GPC5: variants seen among roughly 807,000 people sequenced by gnomAD.
The protein encoded by GPC5 is glypican 5, also known as glypican-5.
GPC5 carries 47 observed loss-of-function variants against 53.9 expected under a neutral mutation model. The ratio of observed to expected loss-of-function variants is 0.87; its 90% CI spans 0.69 to 1.11. The LOEUF (loss-of-function observed/expected upper bound fraction) is 1.11, where lower values mean the gene tolerates loss of function less well. Among genes scored for constraint, GPC5 ranks in the 50% most tolerant of loss-of-function variants. GPC5 has a pLI of 0.00. For missense variants in GPC5, 748 were observed against 713.1 expected (o/e 1.05, Z -0.56); for synonymous variants, 286 against 263.3 (o/e 1.09, Z -0.84).
intron 7 of GPC5, among the ~76,000 whole-genome samples, chr13:92,656,083 A>G (rs1886127276): frequency 6.6e-6 from 1 of 152,170 alleles, no homozygotes; most frequent in African/African-American, 2.4e-5. Flanking sequence ...AAAGAGTTAT[A>G]TCATGTTCAG....
intron 7 of GPC5, among the ~76,000 whole-genome samples, chr13:92,556,623 C>G (rs1882502233): frequency 1.3e-5 from 2 of 151,656 alleles, no homozygotes; most frequent in South Asian, 4.2e-4. Context: ...TCTTTCTTAA[C>G]AAGCAAAAGA....
chr13:92,420,423 G>C (rs1179635890), intron 7 of GPC5, among the ~76,000 whole-genome samples: 1 of 151,690 alleles, frequency 6.6e-6, no homozygotes, highest in Non-Finnish European at 1.5e-5. Context: ...ACCATGTTTT[G>C]ATACAGGCAT....
At chr13:91,793,484 C>A (rs1343543984) in intron 5 of GPC5, among the ~76,000 whole-genome samples, 1 of 152,114 alleles carries the variant, frequency 6.6e-6, no homozygotes, top group African/African-American at 2.4e-5. Flanking sequence ...TTTTGTCAGT[C>A]TTTCACATTA....
In GPC5 at chr13:92,569,902, C is replaced by A. The variant is rs117512223; in HGVS notation, c.1562-296380C>A. On this transcript the variant is annotated intron_variant, in intron 7 of 7. Coordinates refer to ENST00000377067, the MANE Select transcript of GPC5 (RefSeq NM_004466.6). ...AAAATATAAACAGTTACACTGTGTT[C>A]TTTCTTTCCTATAATCTCTTTATGG... is the stretch of plus-strand genomic sequence containing the variant. 5.3e-5 allele frequency among the ~76,000 whole-genome samples: 8 copies of A among 152,282 alleles called. No individual in the cohort carries two copies. In the South Asian group the frequency reaches 1.4e-3, roughly 28 times the overall value.
intron 5 of GPC5, among the ~76,000 whole-genome samples, chr13:91,859,807 TC>T (rs879880905): frequency 4.6e-5 from 7 of 152,170 alleles, no homozygotes; most frequent in Non-Finnish European, 8.8e-5. Flanking sequence ...TCTTATTTTT[TC>T]ATTGACTTTT....
intron 3 of GPC5, among the ~76,000 whole-genome samples, chr13:91,709,613 G>A (rs979463025): frequency 1.3e-5 from 2 of 152,176 alleles, no homozygotes; most frequent in Non-Finnish European, 1.5e-5. Flanking sequence ...AAATGGTTGG[G>A]TAACTTTGTA....
At chr13:91,763,898 A>G (rs1366848059) in intron 5 of GPC5, among the ~76,000 whole-genome samples, 1 of 152,172 alleles carries the variant, frequency 6.6e-6, no homozygotes, top group Non-Finnish European at 1.5e-5. Flanking sequence ...ATGGGGTAGT[A>G]TTTGCGTATA....
At chr13:91,858,708 T>C (rs1395069595) in intron 5 of GPC5, among the ~76,000 whole-genome samples, 2 of 152,008 alleles carry the variant, frequency 1.3e-5, no homozygotes, top group Admixed American at 6.6e-5. Flanking sequence ...CCTCTATTTT[T>C]CACAGTAGTT....
chr13:91,424,792 T>A (rs943868852), intron 1 of GPC5, among the ~76,000 whole-genome samples: 1 of 151,384 alleles, frequency 6.6e-6, no homozygotes, highest in African/African-American at 2.4e-5. Flanking sequence ...CTGGTATGGG[T>A]TGGGAGAAGA....
At chr13:91,993,070 C>G (rs1207655213) in intron 6 of GPC5, among the ~76,000 whole-genome samples, 1 of 152,190 alleles carries the variant, frequency 6.6e-6, no homozygotes. Context: ...TGTAAAATAA[C>G]TGGCGTTGAT....
chr13:92,526,588 AT>A (rs1333266160), intron 7 of GPC5, among the ~76,000 whole-genome samples: 1 of 152,012 alleles, frequency 6.6e-6, no homozygotes, highest in African/African-American at 2.4e-5. Flanking sequence ...ACATAGAAGG[AT>A]TTTAAAGAAG....
intron 7 of GPC5, among the ~76,000 whole-genome samples, chr13:92,764,882 A>T (rs1002316336): frequency 1.3e-5 from 2 of 152,080 alleles, no homozygotes; most frequent in African/African-American, 4.8e-5. Context: ...AGTTTATGTC[A>T]TTACAATGGA....
At chr13:91,447,963 C>T (rs1174262833) in intron 1 of GPC5, among the ~76,000 whole-genome samples, 1 of 152,110 alleles carries the variant, frequency 6.6e-6, no homozygotes, top group East Asian at 1.9e-4. Flanking sequence ...TCTTTCCTCT[C>T]TGTCCTCTAG....
chr13:91,625,692 A>T (rs960814417), intron 2 of GPC5, among the ~76,000 whole-genome samples: 8 of 152,260 alleles, frequency 5.3e-5, no homozygotes, highest in South Asian at 2.1e-4. Context: ...CTTCTAAAGT[A>T]TCTAACACTT....
intron 7 of GPC5, among the ~76,000 whole-genome samples, chr13:92,542,908 A>C (rs1353810191): frequency 5.3e-5 from 8 of 151,920 alleles, no homozygotes; most frequent in Admixed American, 5.3e-4. Context: ...TGCTGTTTTT[A>C]GAATTCTCTT....
chr13:92,085,788 C>T (rs1225974476), intron 6 of GPC5, among the ~76,000 whole-genome samples: 1 of 152,112 alleles, frequency 6.6e-6, no homozygotes, highest in African/African-American at 2.4e-5. Flanking sequence ...CCCTCGCATG[C>T]TCAGTTGACA....
intron 6 of GPC5, among the ~76,000 whole-genome samples, chr13:92,081,531 G>A (rs766530898): frequency 1.3e-5 from 2 of 152,080 alleles, no homozygotes; most frequent in Non-Finnish European, 2.9e-5. Flanking sequence ...ACAAAAATAC[G>A]TGAATTTGAT....
At chr13:91,678,944 T>G (rs980821305) in intron 2 of GPC5, among the ~76,000 whole-genome samples, 1 of 152,128 alleles carries the variant, frequency 6.6e-6, no homozygotes, top group Non-Finnish European at 1.5e-5. Flanking sequence ...TGAATCAAAG[T>G]GTATTAGTTT....
chr13:92,453,771 T>G (rs1878159377), intron 7 of GPC5, among the ~76,000 whole-genome samples: 1 of 152,172 alleles, frequency 6.6e-6, no homozygotes, highest in Non-Finnish European at 1.5e-5. Context: ...AACACCACAT[T>G]TATTCTTTCT....
Sources: allele counts gnomAD v4.1 joint callset (sites outside exome capture counted in the v4.1 genomes callset), GRCh38; gene constraint gnomAD v4.1.1; transcripts MANE v1.5; gene names NCBI Gene and HGNC (gene_info 2026-07-23, HGNC 2026-07-21).